Variants in UBQLN1 observed in about 807,000 individuals in gnomAD.
UBQLN1 encodes the protein ubiquilin 1, also known as ubiquilin-1.
In UBQLN1, 13 loss-of-function variants were observed where a neutral mutation model predicts 65.4. The observed-to-expected ratio is 0.20, with a 90% CI of 0.13 to 0.32. The LOEUF (loss-of-function observed/expected upper bound fraction) is 0.32, where lower values mean the gene tolerates loss of function less well. UBQLN1 is among the 10% of genes least tolerant of loss of function. UBQLN1 has a pLI of 1.00. For missense variants in UBQLN1, 561 were observed against 724.0 expected (o/e 0.77, Z 2.58); for synonymous variants, 267 against 247.8 (o/e 1.08, Z -0.73).
In UBQLN1 at chr9:83,707,910, G is replaced by T; in HGVS notation, c.-231C>A. On this transcript the variant is annotated 5_prime_UTR_variant, in exon 1 of 11. Transcript: ENST00000376395. ...CTCGGCAGCCGCCGTGTGTTCAGGCGCCGCTCGCTCACACCGACATCCGCA... is the reference window on the plus strand; with the variant it reads ...CTCGGCAGCCGCCGTGTGTTCAGGCTCCGCTCGCTCACACCGACATCCGCA... The T allele has an allele frequency of 1.8e-6, 1 of 550,466 alleles. No individual in the cohort carries two copies. Among genetic ancestry groups the T allele is most frequent in the Non-Finnish European group, 3.0e-6 (1 of 330,012 alleles). The allele number at this position is 550,466 out of a possible 1,614,324, so 34.1% of individuals were successfully genotyped here. A position where few individuals can be genotyped will look rare whatever the true frequency, so the allele number is the denominator to read the frequency against.
chr9:83,701,443 T>C (rs2131188852), intron 1 of UBQLN1, among the ~76,000 whole-genome samples: 2 of 152,278 alleles, frequency 1.3e-5, no homozygotes, highest in Middle Eastern at 6.8e-3. Flanking sequence ...TCAGAATTAC[T>C]ATGAAAATAG....
intron 1 of UBQLN1, among the ~76,000 whole-genome samples, chr9:83,698,082 T>C (rs1455792293): frequency 6.6e-6 from 1 of 152,184 alleles, no homozygotes; most frequent in Admixed American, 6.5e-5. Flanking sequence ...GCTTTCATCA[T>C]AAAGTTATGT....
chr9:83,693,938 A>T (rs1290012657), intron 1 of UBQLN1, among the ~76,000 whole-genome samples: 1 of 152,242 alleles, frequency 6.6e-6, no homozygotes, highest in Non-Finnish European at 1.5e-5. Context: ...TAAGAGACAT[A>T]CGGAAATTTC....
chr9:83,703,137 C>T (rs1832338713), intron 1 of UBQLN1, among the ~76,000 whole-genome samples: 1 of 146,762 alleles, frequency 6.8e-6, no homozygotes, highest in African/African-American at 2.6e-5. Flanking sequence ...AAGCTCTTTT[C>T]AATAGCTGAT....
At chr9:83,686,388 C>T (rs1181081385) in intron 1 of UBQLN1, among the ~76,000 whole-genome samples, 1 of 151,986 alleles carries the variant, frequency 6.6e-6, no homozygotes, top group African/African-American at 2.4e-5. Flanking sequence ...TGATATCCCG[C>T]CTCTAAAAAC....
At chr9:83,667,985 T>C (rs1405338315) in intron 7 of UBQLN1, 1 of 985,424 alleles carries the variant, frequency 1.0e-6, no homozygotes, top group Non-Finnish European at 1.2e-6. Context: ...ACAAAATTGC[T>C]ACGCATGTGC....
chr9:83,679,123 C>CTATGAAAGGGGCCAG (rs1240325434), intron 4 of UBQLN1, among the ~76,000 whole-genome samples: 3 of 152,180 alleles, frequency 2.0e-5, no homozygotes, highest in Admixed American at 6.5e-5. Flanking sequence ...TCAAAGTGAA[C>CTATGAAAGGGGCCAG]TATGAAAGGG....
chr9:83,662,041 T>C lies in UBQLN1; in HGVS notation c.1618-102A>G, dbSNP rs1831567280. The C allele has an allele frequency of 2.9e-6, 3 of 1,046,608 alleles. No individual in the cohort carries two copies. The South Asian group carries it at 5.4e-5, about 19-fold the overall frequency. 64.8% of individuals were successfully genotyped at this position (1,046,608 alleles called of 1,614,324 possible). ...ATTGCTTTTTTATAACATATGCTGA[T>C]CTACTGAGCTTTAAAAACACTGCCC... On this transcript the variant is annotated intron_variant, in intron 10 of 10. Coordinates refer to ENST00000376395, the MANE Select transcript of UBQLN1 (RefSeq NM_013438.5).
intron 6 of UBQLN1, among the ~76,000 whole-genome samples, chr9:83,675,487 C>G (rs1554727754): frequency 6.6e-5 from 10 of 150,792 alleles, no homozygotes; most frequent in Non-Finnish European, 1.5e-5. Flanking sequence ...AAAAAAATCA[C>G]AAGAAGCAAG....
chr9:83,677,503 G>A (rs1314958565), intron 6 of UBQLN1, among the ~76,000 whole-genome samples: 4 of 152,096 alleles, frequency 2.6e-5, no homozygotes, highest in Admixed American at 6.5e-5. Flanking sequence ...AAGAGGTTGC[G>A]GTGAGCTGAG....
At position 83,663,928 on chromosome 9, in the gene UBQLN1, G is replaced by A; in HGVS notation, c.1564C>T (p.His522Tyr). Residue 522 changes from histidine to tyrosine, a missense_variant, in exon 10 of 11, where the codon CAT becomes TAT. Physicochemically the swap from His to Tyr is moderately conservative, Grantham distance 83 (BLOSUM62 2). Around this residue, in one of 8 missense-constraint regions of UBQLN1, gnomAD observed 68 missense variants for 62.2 expected, o/e 1.09. Coordinates refer to ENST00000376395, the MANE Select transcript of UBQLN1 (RefSeq NM_013438.5). ...SPTAGTTEPG[H>Y]QQFIQQMLQA... ...AGCATCTGCTGAATAAACTGCTGAT[G>A]TCCAGGTTCAGTGGTTCCTGCTGTG... 6.2e-7 allele frequency: 1 copy of A among 1,614,168 alleles called. No individual in the cohort carries two copies.
chr9:83,685,330 T>C (rs954190445), intron 2 of UBQLN1, among the ~76,000 whole-genome samples: 3 of 152,078 alleles, frequency 2.0e-5, no homozygotes, highest in African/African-American at 4.8e-5. Context: ...TATGAAAAAA[T>C]ATGGACACTG....
chr9:83,699,891 C>G (rs1453377487), intron 1 of UBQLN1, among the ~76,000 whole-genome samples: 1 of 152,172 alleles, frequency 6.6e-6, no homozygotes, highest in Non-Finnish European at 1.5e-5. Context: ...CCCTAAGGCA[C>G]CCATTATAAG....
chr9:83,677,991 G>T (rs757843255), intron 5 of UBQLN1, 30 bp from the exon 6 acceptor site: 3 of 1,204,010 alleles, frequency 2.5e-6, no homozygotes, highest in Non-Finnish European at 3.6e-6. Flanking sequence ...AAATCACAAA[G>T]AATAAGCTTT....
At chr9:83,705,094 A>G (rs1832376484) in intron 1 of UBQLN1, among the ~76,000 whole-genome samples, 1 of 152,190 alleles carries the variant, frequency 6.6e-6, no homozygotes, top group South Asian at 2.1e-4. Flanking sequence ...ATATGGCTAC[A>G]CACCCGCTAA....
At chr9:83,671,229 C>A (rs13301627) in intron 6 of UBQLN1, among the ~76,000 whole-genome samples, 2 of 152,300 alleles carry the variant, frequency 1.3e-5, no homozygotes, top group Non-Finnish European at 2.9e-5. Context: ...CCATGAGGGA[C>A]AGAACAAACT....
At chr9:83,673,299 G>A (rs1326580708) in intron 6 of UBQLN1, among the ~76,000 whole-genome samples, 3 of 151,718 alleles carry the variant, frequency 2.0e-5, no homozygotes, top group Non-Finnish European at 4.4e-5. Context: ...AGCACTTTGG[G>A]AGGCCAAGGC....
chr9:83,686,174 A>C lies in UBQLN1; in HGVS notation c.181-19T>G. ...CCTTAAACTAAATAAAAATAAAATA[A>C]GTATGTATTACAGTTGTTTGCACAG... On this transcript the variant is annotated intron_variant, in intron 1 of 10. Coordinates refer to ENST00000376395, the MANE Select transcript of UBQLN1 (RefSeq NM_013438.5). 1.3e-6 allele frequency: 2 copies of C among 1,486,298 alleles called. No homozygotes were observed. The highest frequency in any genetic ancestry group is 1.8e-6 in the Non-Finnish European group (2 of 1,102,288). The allele number at this position is 1,486,298 out of a possible 1,614,324, so 92.1% of individuals were successfully genotyped here. A position where few individuals can be genotyped will look rare whatever the true frequency, so the allele number is the denominator to read the frequency against.
chr9:83,696,202 C>T (rs1391338979), intron 1 of UBQLN1, among the ~76,000 whole-genome samples: 4 of 152,190 alleles, frequency 2.6e-5, no homozygotes, highest in Admixed American at 2.0e-4. Context: ...TGATTGTATA[C>T]ACTTATAAAG....
Sources: allele counts gnomAD v4.1 joint callset (sites outside exome capture counted in the v4.1 genomes callset), GRCh38; gene constraint gnomAD v4.1.1; regional missense constraint gnomAD v4.1.1; transcripts MANE v1.5; gene names NCBI Gene and HGNC (gene_info 2026-07-23, HGNC 2026-07-21).